The following CPSF3 variants were observed in gnomAD, a reference collection of about 807,000 sequenced individuals.
CPSF3 encodes the protein cleavage and polyadenylation specificity factor subunit 3.
CPSF3 carries 57 observed loss-of-function variants against 84.1 expected under a neutral mutation model. The observed-to-expected ratio is 0.68, with a 90% CI of 0.55 to 0.85. The LOEUF (loss-of-function observed/expected upper bound fraction) is 0.85. Ranked by LOEUF, CPSF3 falls within the 40% of genes least tolerant of loss-of-function variation. The pLI is 0.00. For missense variants in CPSF3, 522 were observed against 838.8 expected (o/e 0.62, Z 4.66); for synonymous variants, 275 against 278.1 (o/e 0.99, Z 0.11).
At chr2:9,453,367 G>A (rs1056264274) in intron 12 of CPSF3, among the ~76,000 whole-genome samples, 1 of 152,172 alleles carries the variant, frequency 6.6e-6, no homozygotes, top group Admixed American at 6.5e-5. Flanking sequence ...CTTTGCATAA[G>A]CATTTCAGTT....
At position 9,456,909 on chromosome 2, in the gene CPSF3, C is replaced by T. The variant is rs765757485; in HGVS notation, c.1604-24C>T. 70 of 1,380,704 alleles carry T rather than the reference C, an allele frequency of 5.1e-5. 1 individual carries two copies. The Middle Eastern group carries it at 6.3e-4, about 13-fold the overall frequency. The allele number at this position is 1,380,704 out of a possible 1,614,324, so 85.5% of individuals were successfully genotyped here. On this transcript the variant is annotated intron_variant, in intron 13 of 17. Coordinates refer to ENST00000238112, the MANE Select transcript of CPSF3 (RefSeq NM_016207.4). ...AAGATTATCAGAAAAGTATATACAT[C>T]TTATAGTTATGTCTTTCTTTCAGGT...
intron 10 of CPSF3, among the ~76,000 whole-genome samples, chr2:9,447,603 G>A (rs544552743): frequency 2.9e-4 from 44 of 151,324 alleles, no homozygotes; most frequent in African/African-American, 9.7e-4. Flanking sequence ...GTAAAACCCC[G>A]TCTCTACTAA....
At chr2:9,433,831 T>A in intron 5 of CPSF3, 40 bp from the exon 6 acceptor site, 1 of 1,405,410 alleles carries the variant, frequency 7.1e-7, no homozygotes, top group Non-Finnish European at 1.0e-6. Context: ...AAATGAAGCC[T>A]TCCCCAAATC....
intron 17 of CPSF3, among the ~76,000 whole-genome samples, chr2:9,472,006 CA>C (rs35342941): frequency 0.01 from 986 of 97,156 alleles, 5 homozygotes; most frequent in African/African-American, 0.033. Flanking sequence ...ACTCTGTCTC[CA>C]AAAAAAAAAA....
At chr2:9,428,442 A>G (rs1473150807) in intron 1 of CPSF3, among the ~76,000 whole-genome samples, 3 of 152,328 alleles carry the variant, frequency 2.0e-5, no homozygotes, top group South Asian at 2.1e-4. Context: ...TTTTAAATAC[A>G]TTATAATTTA....
At chr2:9,458,003 G>T (rs995785011) in intron 14 of CPSF3, among the ~76,000 whole-genome samples, 1 of 152,010 alleles carries the variant, frequency 6.6e-6, no homozygotes, top group African/African-American at 2.4e-5. Flanking sequence ...TGATCCACCC[G>T]CCTCGCATAC....
intron 13 of CPSF3, 144 bp from the exon 14 acceptor site, chr2:9,456,789 T>A: frequency 4.0e-6 from 2 of 502,894 alleles, no homozygotes; most frequent in Admixed American, 3.8e-5. Context: ...TGTACTTTGC[T>A]GTTTAAAAAT....
chr2:9,457,882 A>G (rs1256663868), intron 14 of CPSF3, among the ~76,000 whole-genome samples: 2 of 151,966 alleles, frequency 1.3e-5, no homozygotes, highest in Admixed American at 6.6e-5. Flanking sequence ...CCTCCTGACT[A>G]GCTGGGACTA....
chr2:9,447,315 CA>C (rs969727077), intron 10 of CPSF3, among the ~76,000 whole-genome samples: 26 of 150,380 alleles, frequency 1.7e-4, no homozygotes, highest in African/African-American at 6.4e-4. Context: ...CGTGTCTCTA[CA>C]AAAAATACAA....
intron 14 of CPSF3, among the ~76,000 whole-genome samples, chr2:9,458,668 A>AATTC (rs1005576662): frequency 3.6e-4 from 54 of 151,974 alleles, no homozygotes; most frequent in South Asian, 6.2e-4. Flanking sequence ...CTGCCTCTAT[A>AATTC]ATTCATTCAT....
chr2:9,454,830 C>T (rs186383832), intron 12 of CPSF3, among the ~76,000 whole-genome samples: 1 of 152,130 alleles, frequency 6.6e-6, no homozygotes, highest in East Asian at 2.0e-4. Context: ...AGGCGTGAGC[C>T]ACTGCGCCGG....
chr2:9,472,905 CTCACTT>C lies in CPSF3; in HGVS notation c.1954-7_1954-2del, dbSNP rs1558469972. The C allele has an allele frequency of 1.9e-6, 3 of 1,546,266 alleles. No homozygotes were observed. Among genetic ancestry groups the C allele is most frequent in the African/African-American group, 1.4e-5 (1 of 73,474 alleles). On this transcript the variant is annotated splice_region_variant and splice_polypyrimidine_tract_variant and intron_variant, in intron 17 of 17. Transcript: ENST00000238112. ...TTAATTCTAACAGTCTTGTTTGTGC[CTCACTT>C]TCAGACTGTAGAATGTGAAGAGGGA...
chr2:9,431,507 A>G (rs1476160694), intron 4 of CPSF3, among the ~76,000 whole-genome samples: 1 of 150,864 alleles, frequency 6.6e-6, no homozygotes, highest in Non-Finnish European at 1.5e-5. Flanking sequence ...TTAACTTCAC[A>G]CAAAGATAAA....
intron 13 of CPSF3, among the ~76,000 whole-genome samples, chr2:9,456,508 G>GTC (rs1681533005): frequency 1.3e-5 from 2 of 152,158 alleles, no homozygotes; most frequent in Non-Finnish European, 2.9e-5. Context: ...TGATTAAGAG[G>GTC]ATGCTAGAAA....
chr2:9,437,191 G>T (rs1447417900), intron 7 of CPSF3, among the ~76,000 whole-genome samples: 3 of 151,924 alleles, frequency 2.0e-5, no homozygotes, highest in Non-Finnish European at 2.9e-5. Flanking sequence ...ATCACTTGAG[G>T]CCAGGAGTTC....
rs531274969 is a variant in CPSF3 at position 9,462,848 on chromosome 2, T to C, written c.1786+3230T>C. Among the ~76,000 whole-genome samples the C allele has an allele frequency of 2.0e-5, 3 of 152,366 alleles. No homozygotes were observed. In the East Asian group the frequency reaches 5.8e-4, roughly 29 times the overall value. Reference sequence around the variant, plus strand: ...AGGTTCATTGCAGACAGGTTAGAACTGGGCTGTTTCCGTGTGTTCCGTGTA... The same window carrying C: ...AGGTTCATTGCAGACAGGTTAGAACCGGGCTGTTTCCGTGTGTTCCGTGTA... On this transcript the variant is annotated intron_variant, in intron 15 of 17. Coordinates refer to ENST00000238112, the MANE Select transcript of CPSF3 (RefSeq NM_016207.4).
Position 9,430,813 on chromosome 2 carries a change from A to C in CPSF3, c.274A>C (p.Arg92=). ...WFLQKTSFKG[R]TFMTHATKAI... is the part of the protein sequence containing the mutation. ...TCTACAGAAGACAAGTTTCAAAGGAAGAACATTTATGACTCATGCCACAAA... is the reference window on the plus strand; with the variant it reads ...TCTACAGAAGACAAGTTTCAAAGGACGAACATTTATGACTCATGCCACAAA... The change falls in exon 4 of 18, where the codon AGA becomes CGA. Residue 92 remains arginine, a synonymous_variant. Transcript: ENST00000238112. 3.7e-6 allele frequency: 6 copies of C among 1,613,512 alleles called. No homozygotes were observed. Among genetic ancestry groups the C allele is most frequent in the Non-Finnish European group, 5.1e-6 (6 of 1,179,436 alleles).
At chr2:9,446,571 ACT>A (rs1398015844) in intron 10 of CPSF3, among the ~76,000 whole-genome samples, 1 of 131,436 alleles carries the variant, frequency 7.6e-6, no homozygotes, top group East Asian at 2.0e-4. Context: ...ACGGAGCGAG[ACT>A]CGGTCTCAAA....
rs1335440237 is a variant in CPSF3 at position 9,452,945 on chromosome 2, A to T, written c.1428A>T (p.Glu476Asp). 3.7e-6 allele frequency: 6 copies of T among 1,608,916 alleles called. No individual in the cohort carries two copies. The highest frequency in any genetic ancestry group is 5.1e-6 in the Non-Finnish European group (6 of 1,178,758). Residue 476 changes from glutamate (E) to aspartate (D), a missense_variant, in exon 12 of 18, where the codon GAA becomes GAT. Around this residue, in one of 2 missense-constraint regions of CPSF3, gnomAD observed 329 missense variants for 607.2 expected, o/e 0.54. Transcript: ENST00000238112. ...GATTTTTAGCAGACAAAAAACCAGA[A>T]CAAGGCCAGCGGGTCTCAGGAATAC... Reference protein sequence around the residue: ...VMGFLADKKPEQGQRVSGILV... With the variant: ...VMGFLADKKPDQGQRVSGILV...
Sources: allele counts gnomAD v4.1 joint callset (sites outside exome capture counted in the v4.1 genomes callset), GRCh38; gene constraint gnomAD v4.1.1; regional missense constraint gnomAD v4.1.1; transcripts MANE v1.5; gene names NCBI Gene and HGNC (gene_info 2026-07-23, HGNC 2026-07-21).